Variants in DIXDC1 observed in about 807,000 individuals in gnomAD.
The protein encoded by DIXDC1 is DIX domain containing 1, also known as dixin.
DIXDC1 carries 64 observed loss-of-function variants against 103.1 expected under a neutral mutation model. The ratio of observed to expected loss-of-function variants is 0.62; its 90% CI spans 0.51 to 0.76. DIXDC1 has a LOEUF of 0.76. Ranked by LOEUF, DIXDC1 falls within the 30% of genes least tolerant of loss-of-function variation. The pLI is 0.00. For synonymous variants in DIXDC1, 266 were observed against 298.5 expected (o/e 0.89, Z 1.12); for missense variants, 759 against 834.2 (o/e 0.91, Z 1.11).
intron 1 of DIXDC1, among the ~76,000 whole-genome samples, chr11:111,938,881 T>G (rs1456059315): frequency 2.6e-5 from 4 of 152,350 alleles, no homozygotes; most frequent in African/African-American, 9.6e-5. Flanking sequence ...CTGTCTGCAC[T>G]GCAGGGCACC....
At chr11:112,011,971 A>G (rs1225327769) in intron 17 of DIXDC1, among the ~76,000 whole-genome samples, 1 of 152,252 alleles carries the variant, frequency 6.6e-6, no homozygotes, top group Non-Finnish European at 1.5e-5. Flanking sequence ...AAAAAGGAAA[A>G]GAAAAACCCT....
chr11:111,947,854 T>C (rs1472137105), intron 1 of DIXDC1, among the ~76,000 whole-genome samples: 1 of 152,178 alleles, frequency 6.6e-6, no homozygotes, highest in Non-Finnish European at 1.5e-5. Flanking sequence ...ACAAACTAGT[T>C]TTTAAAGTTA....
Position 111,982,466 on chromosome 11 carries a change from G to A in DIXDC1, c.897G>A (p.Lys299=). 6.2e-7 allele frequency: 1 copy of A among 1,613,428 alleles called. No homozygotes were observed. Among genetic ancestry groups the A allele is most frequent in the Non-Finnish European group, 8.5e-7 (1 of 1,179,660 alleles). Residue 299 remains lysine, a synonymous_variant, in exon 7 of 20, where the codon AAG becomes AAA. Coordinates refer to ENST00000440460, the MANE Select transcript of DIXDC1 (RefSeq NM_001037954.4). ...TAGAAAAAGAAATGGAGGAAGCAAA[G>A]AAAATGATATCAGGACTACAGGTAG... The part of the protein sequence containing the change: ...EYLEKEMEEA[K]KMISGLQALL...
intron 11 of DIXDC1, among the ~76,000 whole-genome samples, 160 bp from the exon 12 acceptor site, chr11:111,992,791 C>A (rs1464999347): frequency 3.3e-5 from 5 of 152,204 alleles, no homozygotes; most frequent in Non-Finnish European, 4.4e-5. Context: ...AGTCTAATTA[C>A]TTCACTAAAA....
chr11:111,956,725 A>G (rs1859383729), intron 1 of DIXDC1, among the ~76,000 whole-genome samples: 1 of 152,184 alleles, frequency 6.6e-6, no homozygotes, highest in African/African-American at 2.4e-5. Flanking sequence ...CCTGACCTCA[A>G]GTGATCCTCC....
At chr11:111,933,637 C>T (rs1467220615), upstream of DIXDC1, among the ~76,000 whole-genome samples, 2 of 145,498 alleles carry the variant, frequency 1.4e-5, no homozygotes, top group African/African-American at 2.6e-5. Context: ...TTTTTTTGTG[C>T]CACTGCATTC....
intron 1 of DIXDC1, among the ~76,000 whole-genome samples, chr11:111,946,097 C>A (rs1308365157): frequency 6.6e-6 from 1 of 151,284 alleles, no homozygotes; most frequent in Non-Finnish European, 1.5e-5. Context: ...CCACCACGCC[C>A]GGCTAATTTT....
At chr11:112,007,956 C>A (rs1341727991) in intron 17 of DIXDC1, among the ~76,000 whole-genome samples, 1 of 151,988 alleles carries the variant, frequency 6.6e-6, no homozygotes, top group Admixed American at 6.6e-5. Flanking sequence ...TCACACATAA[C>A]AATATTAACC....
intron 1 of DIXDC1, among the ~76,000 whole-genome samples, chr11:111,945,057 T>C (rs1555169242): frequency 2.0e-5 from 3 of 152,238 alleles, no homozygotes; most frequent in African/African-American, 4.8e-5. Flanking sequence ...TATTGACTCA[T>C]GGAATCCAAG....
rs1860173843 is a variant in DIXDC1, at chr11:111,977,975, G to C, written c.657-2762G>C. 6.6e-6 allele frequency among the ~76,000 whole-genome samples: 1 copy of C among 152,144 alleles called. No individual in the cohort carries two copies. Among genetic ancestry groups the C allele is most frequent in the Non-Finnish European group, 1.5e-5 (1 of 68,030 alleles). ...GGGCGTAGGAAGTGGAGCCAGCATG[G>C]GGGGAGGATGAGTAGCCCTTGCGCC... On this transcript the variant is annotated intron_variant, in intron 5 of 19. Transcript: ENST00000440460. This position sits in a 1 kb window ranked among gnomAD's most constrained non-coding sequence, Gnocchi z 6.1.
At position 111,950,843 on chromosome 11, in the gene DIXDC1, C is replaced by T. The variant is rs587595990; in HGVS notation, c.60+13284C>T. ...ATCATATCAGTGTAAATGGGGTATC[C>T]ATCACCACAAACATTTATCCTTTCT... On this transcript the variant is annotated intron_variant, in intron 1 of 19. Coordinates refer to ENST00000440460, the MANE Select transcript of DIXDC1 (RefSeq NM_001037954.4). 3.9e-5 allele frequency among the ~76,000 whole-genome samples: 6 copies of T among 152,242 alleles called. No homozygotes were observed. In the East Asian group the frequency reaches 9.7e-4, roughly 25 times the overall value.
chr11:112,004,138 A>G (rs1015474196), intron 17 of DIXDC1, among the ~76,000 whole-genome samples: 3 of 150,952 alleles, frequency 2.0e-5, no homozygotes, highest in African/African-American at 2.4e-5. Context: ...GTGTGTATAT[A>G]TATATATCAC....
At chr11:112,012,489 A>G (rs1278453767) in intron 17 of DIXDC1, among the ~76,000 whole-genome samples, 2 of 152,230 alleles carry the variant, frequency 1.3e-5, no homozygotes, top group African/African-American at 4.8e-5. Flanking sequence ...CGGTGCTAGA[A>G]AAGTTAAAGA....
At chr11:111,973,368 A>G (rs1859998369) in intron 3 of DIXDC1, among the ~76,000 whole-genome samples, 1 of 151,844 alleles carries the variant, frequency 6.6e-6, no homozygotes, top group Admixed American at 6.6e-5. Context: ...GTGAAACTCC[A>G]TCTCAAAAAA....
At chr11:112,008,947 A>T (rs1555176948) in intron 17 of DIXDC1, among the ~76,000 whole-genome samples, 1 of 152,194 alleles carries the variant, frequency 6.6e-6, no homozygotes, top group Non-Finnish European at 1.5e-5. Flanking sequence ...GGCAAGAAAT[A>T]ACTAAGATTG....
intron 17 of DIXDC1, among the ~76,000 whole-genome samples, chr11:112,004,092 A>ATG (rs1555176329): frequency 6.7e-6 from 1 of 148,202 alleles, no homozygotes; most frequent in African/African-American, 2.5e-5. Flanking sequence ...GTATATGTGT[A>ATG]TATATATGTG....
chr11:111,992,898 T>C (rs1257729855), intron 11 of DIXDC1, 53 bp from the exon 12 acceptor site: 69 of 1,556,736 alleles, frequency 4.4e-5, no homozygotes, highest in Admixed American at 9.6e-5. Context: ...CTGGTTTCCT[T>C]GAGGGTTAGC....
At chr11:111,995,865 T>G (rs1231621132) in intron 16 of DIXDC1, among the ~76,000 whole-genome samples, 8 of 152,172 alleles carry the variant, frequency 5.3e-5, no homozygotes, top group African/African-American at 1.7e-4. Flanking sequence ...TGATTGAGCT[T>G]GGCCTTGGAT....
chr11:112,019,079 C>T lies in DIXDC1; in HGVS notation c.*43C>T, dbSNP rs782759206. Reference sequence around the variant, plus strand: ...AGGGCTTATGGAACCTGGTCACTCCCTGGCTGCTTCACTCAGGAAAGGGAA... The same window carrying T: ...AGGGCTTATGGAACCTGGTCACTCCTTGGCTGCTTCACTCAGGAAAGGGAA... On this transcript the variant is annotated 3_prime_UTR_variant, in exon 20 of 20. Transcript: ENST00000440460. The T allele has an allele frequency of 3.2e-6, 5 of 1,542,408 alleles. No individual in the cohort carries two copies. The highest frequency in any genetic ancestry group is 4.5e-6 in the Non-Finnish European group (5 of 1,121,374).
Sources: gnomAD v4.1 joint callset for allele counts (sites outside exome capture counted in the v4.1 genomes callset) on GRCh38, gnomAD v4.1.1 for gene constraint, Gnocchi (gnomAD v3.1) non-coding constraint, MANE v1.5 for transcripts, NCBI Gene and HGNC (gene_info 2026-07-23, HGNC 2026-07-21) for gene names.